The following DOCK3 variants were observed in gnomAD, a reference collection of about 807,000 sequenced individuals.
DOCK3 encodes dedicator of cytokinesis protein 3.
A neutral mutation model predicts 265.6 loss-of-function variants in DOCK3; 60 were observed. That is an observed-to-expected ratio of 0.23 (90% CI 0.18 to 0.28). The LOEUF (loss-of-function observed/expected upper bound fraction) is 0.28. Ranked by LOEUF, DOCK3 falls within the 10% of genes least tolerant of loss-of-function variation. The pLI, the probability that DOCK3 is intolerant of heterozygous loss-of-function variation, is 1.00. For synonymous variants in DOCK3, 881 were observed against 938.0 expected (o/e 0.94, Z 1.11); for missense variants, 1,981 against 2,594.3 (o/e 0.76, Z 5.14).
chr3:51,336,518 C>T (rs1226375204), intron 35 of DOCK3, among the ~76,000 whole-genome samples: 2 of 152,176 alleles, frequency 1.3e-5, no homozygotes, highest in Admixed American at 1.3e-4. Context: ...AGCCAGCCCA[C>T]TACTCAGGTG....
intron 1 of DOCK3, among the ~76,000 whole-genome samples, chr3:50,775,748 C>A (rs2609005): frequency 0.094 from 14,323 of 152,044 alleles, 829 homozygotes; most frequent in Non-Finnish European, 0.12. Flanking sequence ...ACCCCTTCCA[C>A]CCTCCCTCCA....
chr3:50,676,874 T>G (rs555954441), intron 1 of DOCK3, among the ~76,000 whole-genome samples: 68 of 152,350 alleles, frequency 4.5e-4, no homozygotes, highest in African/African-American at 1.4e-3. Flanking sequence ...CTTACAGGAT[T>G]GTGAAAGTGA....
intron 5 of DOCK3, among the ~76,000 whole-genome samples, chr3:51,039,510 T>C (rs930483019): frequency 1.3e-5 from 2 of 152,202 alleles, no homozygotes; most frequent in African/African-American, 4.8e-5. Flanking sequence ...ACTTTTACCA[T>C]GATTTTGGCA....
intron 12 of DOCK3, among the ~76,000 whole-genome samples, chr3:51,165,132 T>C (rs536649976): frequency 6.6e-6 from 1 of 152,066 alleles, no homozygotes; most frequent in African/African-American, 2.4e-5. Flanking sequence ...AGAGATGGGG[T>C]TTCACCATGT....
chr3:50,953,272 G>A (rs1327997795), intron 5 of DOCK3, among the ~76,000 whole-genome samples: 1 of 152,114 alleles, frequency 6.6e-6, no homozygotes, highest in Admixed American at 6.5e-5. Flanking sequence ...TTCTAGGATA[G>A]TCCACAAGTG....
intron 10 of DOCK3, among the ~76,000 whole-genome samples, chr3:51,150,657 T>G (rs541874062): frequency 1.3e-4 from 20 of 152,368 alleles, no homozygotes; most frequent in Middle Eastern, 6.8e-3. Context: ...TTGAGTGAGC[T>G]TCTTAATCCT....
At chr3:51,301,184 A>G (rs940778320) in intron 27 of DOCK3, among the ~76,000 whole-genome samples, 2 of 152,048 alleles carry the variant, frequency 1.3e-5, no homozygotes, top group African/African-American at 2.4e-5. Flanking sequence ...TCTAATTTAC[A>G]TGCCTAAAGG....
rs758604134 is a variant in DOCK3, at chr3:51,270,863, A to C, written c.2404A>C (p.Met802Leu). The C allele has an allele frequency of 6.2e-7, 1 of 1,614,004 alleles. No individual in the cohort carries two copies. The highest frequency in any genetic ancestry group is 1.1e-5 in the South Asian group (1 of 91,086). ...FPTIFDELLQ[M>L]FTVQEVAEFV... ...AACCATCTTTGATGAGCTTCTGCAA[A>C]TGTTCACCGTGCAAGAGGTGGCAGA... The change falls in exon 24 of 53, where the codon ATG becomes CTG. Residue 802 changes from methionine (M) to leucine (L), a missense_variant. Transcript: ENST00000266037.
intron 5 of DOCK3, among the ~76,000 whole-genome samples, chr3:50,965,640 C>T (rs2077005888): frequency 6.6e-6 from 1 of 151,968 alleles, no homozygotes; most frequent in Non-Finnish European, 1.5e-5. Flanking sequence ...TCAAATAAAA[C>T]TAATTTTTAG....
intron 24 of DOCK3, among the ~76,000 whole-genome samples, chr3:51,273,118 C>T (rs1488534413): frequency 6.7e-6 from 1 of 150,058 alleles, no homozygotes; most frequent in Non-Finnish European, 1.5e-5. Flanking sequence ...GCCGAGATCA[C>T]GCCACCGCAC....
At chr3:51,130,078 G>C (rs1231343614) in intron 9 of DOCK3, among the ~76,000 whole-genome samples, 1 of 152,158 alleles carries the variant, frequency 6.6e-6, no homozygotes, top group African/African-American at 2.4e-5. Flanking sequence ...ATCTCGACAA[G>C]CCCCACACCA....
At chr3:51,104,120 T>G (rs956377255) in intron 9 of DOCK3, among the ~76,000 whole-genome samples, 2 of 152,018 alleles carry the variant, frequency 1.3e-5, no homozygotes, top group African/African-American at 4.8e-5. Flanking sequence ...CTAAAAGAAT[T>G]GGGGCAACAA....
At chr3:51,126,366 G>A (rs1026287790) in intron 9 of DOCK3, among the ~76,000 whole-genome samples, 8 of 152,082 alleles carry the variant, frequency 5.3e-5, no homozygotes, top group African/African-American at 9.7e-5. Context: ...TTTTGGCATC[G>A]GGGGCCAAGC....
At chr3:51,054,598 A>C (rs894102768) in intron 5 of DOCK3, among the ~76,000 whole-genome samples, 1 of 152,174 alleles carries the variant, frequency 6.6e-6, no homozygotes, top group East Asian at 1.9e-4. Context: ...CCCTTTGATT[A>C]GAGTTGGACA....
chr3:50,723,320 G>A (rs2037593265), intron 1 of DOCK3, among the ~76,000 whole-genome samples: 1 of 152,156 alleles, frequency 6.6e-6, no homozygotes, highest in African/African-American at 2.4e-5. Flanking sequence ...TAACATATTG[G>A]TAGTTAGAGT....
intron 4 of DOCK3, chr3:50,900,901 G>A (rs1418859434): frequency 2.3e-6 from 1 of 431,614 alleles, no homozygotes; most frequent in Non-Finnish European, 4.6e-6. Context: ...CCTGTATGAG[G>A]TGTCTGTCGC....
intron 5 of DOCK3, among the ~76,000 whole-genome samples, chr3:50,984,697 A>G (rs547524676): frequency 6.6e-6 from 1 of 152,228 alleles, no homozygotes; most frequent in African/African-American, 2.4e-5. Flanking sequence ...AAATAACTAA[A>G]ACTGCACATA....
At chr3:51,344,246 C>G (rs1222410118) in intron 38 of DOCK3, among the ~76,000 whole-genome samples, 1 of 152,170 alleles carries the variant, frequency 6.6e-6, no homozygotes, top group African/African-American at 2.4e-5. Flanking sequence ...TTTTCCCTTC[C>G]TTTGCCATTT....
intron 9 of DOCK3, among the ~76,000 whole-genome samples, chr3:51,111,992 C>A (rs1260430032): frequency 3.9e-5 from 6 of 152,024 alleles, no homozygotes. Flanking sequence ...AAATCAAAAC[C>A]ACAATGAGAT....
Sources: gnomAD v4.1 joint callset for allele counts (sites outside exome capture counted in the v4.1 genomes callset) on GRCh38, gnomAD v4.1.1 for gene constraint, MANE v1.5 for transcripts, NCBI Gene and HGNC (gene_info 2026-07-23, HGNC 2026-07-21) for gene names.